Variants in ZNF573 observed in about 807,000 individuals in gnomAD.
ZNF573 encodes the protein zinc finger protein 573.
In ZNF573, 41 loss-of-function variants were observed where a neutral mutation model predicts 57.4. That is an observed-to-expected ratio of 0.71 (90% CI 0.56 to 0.93). The LOEUF is 0.93. Ranked by LOEUF, ZNF573 falls within the 40% of genes least tolerant of loss-of-function variation. ZNF573 has a pLI of 0.00. For synonymous variants in ZNF573, 249 were observed against 261.0 expected (o/e 0.95, Z 0.44); for missense variants, 730 against 794.8 (o/e 0.92, Z 0.98).
At chr19:37,765,435 G>C (rs755677445) in intron 4 of ZNF573, among the ~76,000 whole-genome samples, 2 of 152,136 alleles carry the variant, frequency 1.3e-5, no homozygotes, top group African/African-American at 4.8e-5. Context: ...CTAAATCTGG[G>C]AGTGGTGGCT....
At chr19:37,757,980 G>T (rs2045506262) in intron 4 of ZNF573, among the ~76,000 whole-genome samples, 2 of 151,124 alleles carry the variant, frequency 1.3e-5, no homozygotes, top group Non-Finnish European at 2.9e-5. Context: ...ACTCATAGGT[G>T]GGAATTAAAC....
chr19:37,761,070 AGCCTGTAATCCCAGCTACAGC>A (rs1046981191), intron 4 of ZNF573, among the ~76,000 whole-genome samples: 10 of 151,916 alleles, frequency 6.6e-5, no homozygotes, highest in African/African-American at 2.4e-4. Flanking sequence ...TGGTGGCACA[AGCCTGTAATCCCAGCTACAGC>A]GCCTGTAATC....
At chr19:37,761,593 G>A (rs1302779500) in intron 4 of ZNF573, among the ~76,000 whole-genome samples, 1 of 152,132 alleles carries the variant, frequency 6.6e-6, no homozygotes, top group Non-Finnish European at 1.5e-5. Flanking sequence ...TTGTTTGACT[G>A]TTGGTCATAA....
At chr19:37,755,154 G>C (rs538782047) in intron 4 of ZNF573, 1 of 152,242 alleles carries the variant, frequency 6.6e-6, no homozygotes, top group Non-Finnish European at 1.5e-5. Context: ...ATTTTTAGTA[G>C]AGACAGGGTT....
chr19:37,743,183 G>A (rs1349335126), intron 4 of ZNF573, among the ~76,000 whole-genome samples: 1 of 151,998 alleles, frequency 6.6e-6, no homozygotes, highest in Non-Finnish European at 1.5e-5. Context: ...AGCCAGGCAT[G>A]GTGGCAGGTG....
chr19:37,760,686 G>A (rs1599698506), intron 4 of ZNF573, among the ~76,000 whole-genome samples: 1 of 152,072 alleles, frequency 6.6e-6, no homozygotes, highest in Admixed American at 6.6e-5. Context: ...GCCAGGCATG[G>A]TGGTGCATGC....
rs568447625 is a variant in ZNF573 at position 37,758,002 on chromosome 19, T to A, written c.295+12003A>T. ...GGTGGGAATTAAACAATGAGAACAC[T>A]TGGACACAGGAAGGGGAACATCACA... On this transcript the variant is annotated intron_variant, in intron 4 of 4. Coordinates refer to ENST00000536220, the MANE Select transcript of ZNF573 (RefSeq NM_001172690.2). Among the ~76,000 whole-genome samples the A allele has an allele frequency of 1.2e-3, 176 of 149,974 alleles. 4 individuals are homozygous for A. The highest frequency in any genetic ancestry group is 4.3e-3 in the African/African-American group (173 of 40,672).
rs377322858 is a variant in ZNF573 at position 37,738,487 on chromosome 19, C to T, written c.*5G>A. 4.1e-5 allele frequency: 63 copies of T among 1,521,254 alleles called. No individual in the cohort carries two copies. The highest frequency in any genetic ancestry group is 1.7e-4 in the African/African-American group (12 of 71,742). 94.2% of individuals were successfully genotyped at this position (1,521,254 alleles called of 1,614,324 possible). A position where few individuals can be genotyped will look rare whatever the true frequency, so the allele number is the denominator to read the frequency against. Reference sequence around the variant, plus strand: ...ATGAATGGCGCGCTCGTACTCTTTACGGTCTTACACTTTTATGCTCCTATG... The same window carrying T: ...ATGAATGGCGCGCTCGTACTCTTTATGGTCTTACACTTTTATGCTCCTATG... On this transcript the variant is annotated 3_prime_UTR_variant, in exon 5 of 5. Coordinates refer to ENST00000536220, the MANE Select transcript of ZNF573 (RefSeq NM_001172690.2).
chr19:37,740,624 C>T (rs1394826403), intron 4 of ZNF573: 1 of 455,842 alleles, frequency 2.2e-6, no homozygotes, highest in Non-Finnish European at 4.4e-6. Flanking sequence ...AATCCCTTTC[C>T]AAGGACTGCT....
intron 1 of ZNF573, among the ~76,000 whole-genome samples, chr19:37,776,407 G>A (rs567766511): frequency 6.6e-6 from 1 of 152,282 alleles, no homozygotes; most frequent in African/African-American, 2.4e-5. Context: ...TCAAAAAATG[G>A]TACTGGGATA....
rs397944905 is a variant in ZNF573, at chr19:37,769,727, GAAAAAAA to G, written c.295+271_295+277del. Among the ~76,000 whole-genome samples, 436 of 55,208 alleles carry G rather than the reference GAAAAAAA, an allele frequency of 7.9e-3. 1 individual carries two copies. Among genetic ancestry groups the G allele is most frequent in the African/African-American group, 0.02 (292 of 14,326 alleles). The allele number at this position is 55,208 out of a possible 152,430, so 36.2% of individuals were successfully genotyped here. On this transcript the variant is annotated intron_variant, in intron 4 of 4. Transcript: ENST00000536220. ...GGCGACAGAGCAAGACTCTGTCTCGGAAAAAAAAAAAAAAAAAAAAAAAGAAAAGAAA... is the reference window on the plus strand; with the variant it reads ...GGCGACAGAGCAAGACTCTGTCTCGGAAAAAAAAAAAAAAAAGAAAAGAAA...
rs544232445 is a variant in ZNF573 at position 37,773,287 on chromosome 19, G to C, written c.69+374C>G. On this transcript the variant is annotated intron_variant, in intron 2 of 4. Coordinates refer to ENST00000536220, the MANE Select transcript of ZNF573 (RefSeq NM_001172690.2). ...CATCTTATTTGCCTAGAAAACTCAG[G>C]TCTGCGGAGAATGTCAGAGCCTACC... 1.1e-4 allele frequency among the ~76,000 whole-genome samples: 17 copies of C among 152,224 alleles called. No individual in the cohort carries two copies. In the South Asian group the frequency reaches 3.1e-3, roughly 28 times the overall value.
chr19:37,740,306 T>A, intron 4 of ZNF573, 112 bp from the exon 5 acceptor site: 1 of 1,016,730 alleles, frequency 9.8e-7, no homozygotes, highest in Non-Finnish European at 1.4e-6. Context: ...CATATAGAAT[T>A]CAAAAATATG....
intron 4 of ZNF573, among the ~76,000 whole-genome samples, chr19:37,764,845 C>G (rs1255365838): frequency 6.6e-6 from 1 of 151,008 alleles, no homozygotes; most frequent in African/African-American, 2.4e-5. Context: ...CCTCGTGATC[C>G]GTCTGCCTTG....
At chr19:37,749,223 G>A (rs963069622) in intron 4 of ZNF573, among the ~76,000 whole-genome samples, 4 of 151,592 alleles carry the variant, frequency 2.6e-5, no homozygotes, top group African/African-American at 9.7e-5. Context: ...AAGGCAAAAT[G>A]TTAATAACCA....
At chr19:37,756,815 T>A (rs2145303331) in intron 4 of ZNF573, among the ~76,000 whole-genome samples, 1 of 151,928 alleles carries the variant, frequency 6.6e-6, no homozygotes, top group South Asian at 2.1e-4. Flanking sequence ...TATAATCTCA[T>A]ATTATGATAA....
rs1278074195 is a variant in ZNF573 at position 37,770,110 on chromosome 19, G to T, written c.203-13C>A. On this transcript the variant is annotated splice_polypyrimidine_tract_variant and intron_variant, in intron 3 of 4. Coordinates refer to ENST00000536220, the MANE Select transcript of ZNF573 (RefSeq NM_001172690.2). The stretch of plus-strand genomic sequence containing the variant: ...ATGGAATGTCCTCCTTATAAGAAAA[G>T]AAATGCCACATGGTATAAAAATAAA... 9 of 1,525,842 alleles carry T rather than the reference G, an allele frequency of 5.9e-6. No individual in the cohort carries two copies. In the East Asian group the frequency reaches 1.5e-4, roughly 25 times the overall value. 94.5% of individuals were successfully genotyped at this position (1,525,842 alleles called of 1,614,324 possible).
At chr19:37,765,209 A>G (rs966049960) in intron 4 of ZNF573, among the ~76,000 whole-genome samples, 3 of 152,120 alleles carry the variant, frequency 2.0e-5, no homozygotes, top group Non-Finnish European at 4.4e-5. Flanking sequence ...AGATTTTTCT[A>G]TCTTTAACTG....
chr19:37,742,894 T>C (rs912946236), intron 4 of ZNF573, among the ~76,000 whole-genome samples: 2 of 152,162 alleles, frequency 1.3e-5, no homozygotes, highest in African/African-American at 2.4e-5. Context: ...ACAGGCAACC[T>C]ACAGAATGGG....
Sources: gnomAD v4.1 joint callset for allele counts (sites outside exome capture counted in the v4.1 genomes callset) on GRCh38, gnomAD v4.1.1 for gene constraint, MANE v1.5 for transcripts, NCBI Gene and HGNC (gene_info 2026-07-23, HGNC 2026-07-21) for gene names.